Variants in DPF3 observed in about 807,000 individuals in gnomAD.
DPF3 encodes the protein zinc finger protein DPF3.
In DPF3, 18 loss-of-function variants were observed where a neutral mutation model predicts 56.8. The ratio of observed to expected loss-of-function variants is 0.32; its 90% CI spans 0.22 to 0.47. The LOEUF (loss-of-function observed/expected upper bound fraction) is 0.47. Among genes scored for constraint, DPF3 ranks in the 20% least tolerant of loss-of-function variants. DPF3 has a pLI of 1.00. For synonymous variants in DPF3, 188 were observed against 180.2 expected, an observed-to-expected ratio of 1.04 and a Z score of -0.35; for missense variants, 403 against 488.8, an observed-to-expected ratio of 0.82 and a Z score of 1.65.
chr14:72,884,971 T>TGTATATATATATATATA (rs10523148), intron 1 of DPF3, among the ~76,000 whole-genome samples: 8 of 111,690 alleles, frequency 7.2e-5, no homozygotes, highest in South Asian at 3.0e-4. Flanking sequence ...TATATATATA[T>TGTATATATATATATATA]TAGCCGGGCG....
chr14:72,772,256 C>T (rs1311569160), intron 1 of DPF3, among the ~76,000 whole-genome samples: 2 of 152,174 alleles, frequency 1.3e-5, no homozygotes, highest in Non-Finnish European at 2.9e-5. Flanking sequence ...ATCTAGAGGA[C>T]ATCACACTTC....
chr14:72,877,948 CCT>C (rs1886180195), intron 1 of DPF3, among the ~76,000 whole-genome samples: 1 of 152,190 alleles, frequency 6.6e-6, no homozygotes, highest in Admixed American at 6.5e-5. Flanking sequence ...CCTGTGTCAC[CCT>C]CTGTCCTGAA....
At chr14:72,791,610 T>C (rs986667083) in intron 1 of DPF3, among the ~76,000 whole-genome samples, 1 of 152,230 alleles carries the variant, frequency 6.6e-6, no homozygotes, top group Non-Finnish European at 1.5e-5. Flanking sequence ...GATGTCCTGG[T>C]GCCTCAAACA....
chr14:72,653,196 G>A (rs1567190232), intron 8 of DPF3, among the ~76,000 whole-genome samples: 1 of 152,174 alleles, frequency 6.6e-6, no homozygotes, highest in South Asian at 2.1e-4. Flanking sequence ...TAACCCTTCC[G>A]AGTGCTGGTC....
chr14:72,635,489 C>A (rs1364456783), intron 8 of DPF3, among the ~76,000 whole-genome samples: 2 of 152,176 alleles, frequency 1.3e-5, no homozygotes, highest in Non-Finnish European at 2.9e-5. Context: ...AATATCCAGG[C>A]AAAACTAGTG....
chr14:72,849,456 G>A (rs1276347139), intron 1 of DPF3, among the ~76,000 whole-genome samples: 4 of 152,084 alleles, frequency 2.6e-5, no homozygotes, highest in Admixed American at 1.3e-4. Context: ...CGCTGCTGCC[G>A]CCCACATCTT....
intron 8 of DPF3, among the ~76,000 whole-genome samples, chr14:72,637,063 G>T (rs772425195): frequency 6.6e-6 from 1 of 152,210 alleles, no homozygotes; most frequent in African/African-American, 2.4e-5. Flanking sequence ...AGCCCCAGGG[G>T]CTATTGCACC....
chr14:72,703,703 A>C (rs535481456), intron 6 of DPF3, among the ~76,000 whole-genome samples: 10 of 152,202 alleles, frequency 6.6e-5, no homozygotes, highest in African/African-American at 2.4e-4. Context: ...AACAAGGGCA[A>C]TAACAGTTTG....
rs746661072 is a variant in DPF3, at chr14:72,771,722, G to A, written c.193+11C>T. 2 of 1,608,068 alleles carry A rather than the reference G, an allele frequency of 1.2e-6. No homozygotes were observed. The highest frequency in any genetic ancestry group is 2.2e-5 in the East Asian group (1 of 44,700). ...TGCACATGCGCATGTCCCAGGAGTG[G>A]CGCAGCTCACCTGGGCCTCGGTGCC... On this transcript the variant is annotated intron_variant, in intron 2 of 10. Transcript: ENST00000556509.
intron 8 of DPF3, among the ~76,000 whole-genome samples, chr14:72,645,083 T>C (rs1321136842): frequency 6.6e-6 from 1 of 152,170 alleles, no homozygotes; most frequent in South Asian, 2.1e-4. Context: ...TTAAGCTGAA[T>C]AGGTTAAAAG....
At chr14:72,639,025 G>A (rs1330367389) in intron 8 of DPF3, among the ~76,000 whole-genome samples, 1 of 152,084 alleles carries the variant, frequency 6.6e-6, no homozygotes, top group East Asian at 1.9e-4. Flanking sequence ...CACCGTGTTA[G>A]CCAGGATGGT....
chr14:72,885,187 G>T (rs1238055787), intron 1 of DPF3, among the ~76,000 whole-genome samples: 1 of 150,118 alleles, frequency 6.7e-6, no homozygotes, highest in African/African-American at 2.4e-5. Flanking sequence ...GGGGATGGGA[G>T]AATTGAGTCT....
intron 6 of DPF3, among the ~76,000 whole-genome samples, chr14:72,705,538 C>T (rs1888365719): frequency 6.6e-6 from 1 of 152,186 alleles, no homozygotes; most frequent in Non-Finnish European, 1.5e-5. Flanking sequence ...TTCCATGAGT[C>T]CCTGGTGCCA....
At chr14:72,801,963 G>A (rs1892909517) in intron 1 of DPF3, among the ~76,000 whole-genome samples, 1 of 152,210 alleles carries the variant, frequency 6.6e-6, no homozygotes, top group Admixed American at 6.5e-5. Context: ...CTTGGGGATT[G>A]ATACCACCCC....
chr14:72,649,114 T>C (rs958866122), intron 8 of DPF3, among the ~76,000 whole-genome samples: 1 of 152,202 alleles, frequency 6.6e-6, no homozygotes, highest in Admixed American at 6.5e-5. Context: ...ACACTTGTTA[T>C]TCCCAATTTA....
intron 3 of DPF3, among the ~76,000 whole-genome samples, chr14:72,748,311 G>A (rs1890410837): frequency 6.6e-6 from 1 of 152,210 alleles, no homozygotes; most frequent in Non-Finnish European, 1.5e-5. Flanking sequence ...CTAGAGATTT[G>A]TGGAATGTTG....
chr14:72,777,504 C>T (rs766694513), intron 1 of DPF3, among the ~76,000 whole-genome samples: 1 of 152,152 alleles, frequency 6.6e-6, no homozygotes, highest in Admixed American at 6.5e-5. Flanking sequence ...GAAGGCCTAA[C>T]CCTCAATGTG....
At chr14:72,861,788 A>AAAGG (rs1567261284) in intron 1 of DPF3, among the ~76,000 whole-genome samples, 8 of 151,152 alleles carry the variant, frequency 5.3e-5, no homozygotes, top group African/African-American at 2.0e-4. Context: ...AGAAAGAAAG[A>AAAGG]AAGAAAGAAA....
At chr14:72,710,225 T>C (rs1295327388) in intron 6 of DPF3, among the ~76,000 whole-genome samples, 1 of 152,220 alleles carries the variant, frequency 6.6e-6, no homozygotes, top group Non-Finnish European at 1.5e-5. Flanking sequence ...AAGGATTCCT[T>C]CCACCTGCCT....
Sources: allele counts gnomAD v4.1 joint callset (sites outside exome capture counted in the v4.1 genomes callset), GRCh38; gene constraint gnomAD v4.1.1; transcripts MANE v1.5; gene names NCBI Gene and HGNC (gene_info 2026-07-23, HGNC 2026-07-21).